The following MCTP1 variants were observed in gnomAD, a reference collection of about 807,000 sequenced individuals.
The protein encoded by MCTP1 is multiple C2 and transmembrane domain containing 1, also known as multiple C2 and transmembrane domain-containing protein 1.
In MCTP1, 69 loss-of-function variants were observed where a neutral mutation model predicts 120.6. The observed-to-expected ratio is 0.57, with a 90% confidence interval of 0.47 to 0.70. The LOEUF (loss-of-function observed/expected upper bound fraction) is 0.70. Among genes scored for constraint, MCTP1 ranks in the 30% least tolerant of loss-of-function variants. The pLI, the probability that MCTP1 is intolerant of heterozygous loss-of-function variation, is 0.00. For missense variants in MCTP1, 1,203 were observed against 1,248.8 expected (o/e 0.96, Z 0.55); for synonymous variants, 529 against 493.1 (o/e 1.07, Z -0.96).
At chr5:94,708,472 C>T in intron 22 of MCTP1, 40 bp downstream of exon 22, 1 of 1,255,782 alleles carries the variant, frequency 8.0e-7, no homozygotes, top group Non-Finnish European at 1.2e-6. Flanking sequence ...TGCCACACTA[C>T]ATTAAAATAA....
At chr5:95,202,185 A>G (rs1751140648) in intron 1 of MCTP1, among the ~76,000 whole-genome samples, 1 of 152,122 alleles carries the variant, frequency 6.6e-6, no homozygotes, top group South Asian at 2.1e-4. Context: ...AAAAGAGGCC[A>G]TTTCTTCTCT....
At chr5:94,787,844 T>A (rs1389399582) in intron 18 of MCTP1, among the ~76,000 whole-genome samples, 2 of 152,178 alleles carry the variant, frequency 1.3e-5, no homozygotes, top group Admixed American at 1.3e-4. Flanking sequence ...TACTCTATGC[T>A]TAACATGTTA....
Position 94,942,437 on chromosome 5 carries a change from C to A in MCTP1, c.982-10G>T, listed in dbSNP as rs1479915245. 1.3e-6 allele frequency: 2 copies of A among 1,593,076 alleles called. No homozygotes were observed. The highest frequency in any genetic ancestry group is 1.7e-6 in the Non-Finnish European group (2 of 1,163,098). On this transcript the variant is annotated splice_polypyrimidine_tract_variant and intron_variant, in intron 3 of 22. Transcript: ENST00000515393. ...AATCATAGTCAAATACCTGAGATGC[C>A]AAAGAGAAAAAGCCTTGTTATAAAT...
chr5:94,882,918 TC>T (rs1165899364), intron 12 of MCTP1, among the ~76,000 whole-genome samples: 1 of 152,178 alleles, frequency 6.6e-6, no homozygotes, highest in Admixed American at 6.5e-5. Context: ...TGTCTCAGAT[TC>T]AGGCCTCATC....
At chr5:94,744,337 C>T (rs1766366465) in intron 19 of MCTP1, among the ~76,000 whole-genome samples, 1 of 152,204 alleles carries the variant, frequency 6.6e-6, no homozygotes, top group Non-Finnish European at 1.5e-5. Flanking sequence ...CCTTAGCTGC[C>T]AGTTAGCAGC....
intron 1 of MCTP1, among the ~76,000 whole-genome samples, chr5:95,260,178 T>G (rs1259316259): frequency 2.0e-5 from 3 of 152,034 alleles, no homozygotes; most frequent in Non-Finnish European, 2.9e-5. Context: ...TGAGGCTGAG[T>G]GTGGAGGAAA....
chr5:94,777,514 G>A (rs754797074), intron 19 of MCTP1, among the ~76,000 whole-genome samples: 34 of 152,114 alleles, frequency 2.2e-4, no homozygotes, highest in Admixed American at 4.6e-4. Context: ...TTCACTAAGG[G>A]TTTCCATTTA....
intron 2 of MCTP1, 119 bp from the exon 3 acceptor site, chr5:94,953,480 G>T: frequency 5.9e-6 from 4 of 680,356 alleles, no homozygotes; most frequent in South Asian, 3.5e-5. Flanking sequence ...AATTATCTAT[G>T]CAGAAATAAG....
intron 2 of MCTP1, among the ~76,000 whole-genome samples, chr5:94,988,597 GT>G (rs752489135): frequency 0.056 from 6,554 of 117,440 alleles, 204 homozygotes; most frequent in East Asian, 0.11. Context: ...CCCTGTGTGT[GT>G]TTTTTTTTTT....
At chr5:94,826,625 T>C in intron 17 of MCTP1, 1 of 781,984 alleles carries the variant, frequency 1.3e-6, no homozygotes, top group Non-Finnish European at 2.2e-6. Flanking sequence ...CTCTGCAAAA[T>C]TCCTTCACTT....
intron 10 of MCTP1, 112 bp from the exon 11 acceptor site, chr5:94,894,947 T>C (rs900069891): frequency 2.5e-5 from 16 of 651,026 alleles, no homozygotes; most frequent in African/African-American, 2.0e-4. Context: ...ATTTGGACCA[T>C]TGGAAGAATA....
chr5:94,707,392 G>T lies in MCTP1; in HGVS notation c.*104C>A, dbSNP rs765912930. Reference sequence around the variant, plus strand: ...AGATTCTCTCGATCATGATAAAAAGGCAAAATAAATAAAAAGCAGAAAGAA... The same window carrying T: ...AGATTCTCTCGATCATGATAAAAAGTCAAAATAAATAAAAAGCAGAAAGAA... On this transcript the variant is annotated 3_prime_UTR_variant, in exon 23 of 23. Coordinates refer to ENST00000515393, the MANE Select transcript of MCTP1 (RefSeq NM_024717.7). The T allele has an allele frequency of 4.3e-5, 37 of 863,810 alleles. No individual in the cohort carries two copies. The highest frequency in any genetic ancestry group is 6.3e-5 in the Non-Finnish European group (34 of 540,014). The allele number at this position is 863,810 out of a possible 1,614,324, so 53.5% of individuals were successfully genotyped here.
chr5:94,864,132 AC>A (rs1237948314), intron 17 of MCTP1, among the ~76,000 whole-genome samples: 1 of 151,820 alleles, frequency 6.6e-6, no homozygotes, highest in Admixed American at 6.6e-5. Flanking sequence ...ACCAAGGAAA[AC>A]CTAGGGAGAG....
At chr5:94,864,245 G>C (rs1796371692) in intron 17 of MCTP1, among the ~76,000 whole-genome samples, 1 of 151,874 alleles carries the variant, frequency 6.6e-6, no homozygotes, top group African/African-American at 2.4e-5. Context: ...ATGACTAACA[G>C]TTAAACATTC....
chr5:95,121,981 A>G (rs1339253354), intron 1 of MCTP1, among the ~76,000 whole-genome samples: 1 of 150,946 alleles, frequency 6.6e-6, no homozygotes, highest in African/African-American at 2.4e-5. Flanking sequence ...ATCTCTCACC[A>G]TATATAAAAA....
intron 3 of MCTP1, 130 bp downstream of exon 3, chr5:94,953,089 A>G: frequency 2.7e-6 from 2 of 754,438 alleles, no homozygotes; most frequent in East Asian, 5.8e-5. Flanking sequence ...TATTATCCAT[A>G]GATTAGAGTG....
intron 2 of MCTP1, among the ~76,000 whole-genome samples, chr5:94,992,292 G>GGATGATGATGAT (rs148599893): frequency 6.6e-6 from 1 of 151,632 alleles, no homozygotes. Context: ...ATAATGTTGA[G>GGATGATGATGAT]GATGATGATG....
At chr5:94,964,771 G>A (rs1291181880) in intron 2 of MCTP1, among the ~76,000 whole-genome samples, 1 of 152,072 alleles carries the variant, frequency 6.6e-6, no homozygotes, top group Non-Finnish European at 1.5e-5. Flanking sequence ...GTATATAGTT[G>A]AGTCTTTCTC....
intron 19 of MCTP1, among the ~76,000 whole-genome samples, chr5:94,772,570 A>G (rs1407958800): frequency 6.6e-6 from 1 of 152,186 alleles, no homozygotes; most frequent in African/African-American, 2.4e-5. Context: ...GTAGCATGAC[A>G]TCTCCATAGG....
Sources: allele counts gnomAD v4.1 joint callset (sites outside exome capture counted in the v4.1 genomes callset), GRCh38; gene constraint gnomAD v4.1.1; transcripts MANE v1.5; gene names NCBI Gene and HGNC (gene_info 2026-07-23, HGNC 2026-07-21).